Variants in PPP3CA observed in about 807,000 individuals in gnomAD.
PPP3CA encodes the protein CAM-PRP catalytic subunit.
PPP3CA carries 14 observed loss-of-function variants against 66.5 expected under a neutral mutation model. The ratio of observed to expected loss-of-function variants is 0.21; its 90% CI spans 0.14 to 0.33. The LOEUF (loss-of-function observed/expected upper bound fraction) is 0.33, where lower values mean the gene tolerates loss of function less well. PPP3CA is among the 10% of genes least tolerant of loss of function. PPP3CA has a pLI of 1.00. For synonymous variants in PPP3CA, 232 were observed against 226.2 expected, an observed-to-expected ratio of 1.03 and a Z score of -0.23; for missense variants, 317 against 639.5, an observed-to-expected ratio of 0.50 and a Z score of 5.44.
intron 1 of PPP3CA, among the ~76,000 whole-genome samples, chr4:101,285,599 ATGTGTGTGTGTGTGTGTGTGTGTG>A (rs56681112): frequency 6.6e-4 from 82 of 124,592 alleles, no homozygotes; most frequent in African/African-American, 2.2e-3. Flanking sequence ...CACTGTGTGT[ATGTGTGTGTGTGTGTGTGTGTGTG>A]TGTGTGTGTG....
chr4:101,166,806 A>T (rs905365168), intron 2 of PPP3CA, among the ~76,000 whole-genome samples: 4 of 152,240 alleles, frequency 2.6e-5, no homozygotes, highest in Admixed American at 6.5e-5. Context: ...CTTACATTGT[A>T]TATTTCCTTA....
intron 2 of PPP3CA, among the ~76,000 whole-genome samples, chr4:101,111,109 G>A (rs1042043193): frequency 1.3e-5 from 2 of 151,996 alleles, no homozygotes; most frequent in African/African-American, 4.8e-5. Flanking sequence ...AATTATAGTT[G>A]GTATGGATTA....
chr4:101,300,120 C>T (rs1479780963), intron 1 of PPP3CA, among the ~76,000 whole-genome samples: 1 of 152,158 alleles, frequency 6.6e-6, no homozygotes, highest in Non-Finnish European at 1.5e-5. Context: ...TTCAGAGAGA[C>T]AAATAATTTG....
At chr4:101,302,344 G>A (rs1434938958) in intron 1 of PPP3CA, among the ~76,000 whole-genome samples, 6 of 152,156 alleles carry the variant, frequency 3.9e-5, no homozygotes, top group African/African-American at 1.4e-4. Flanking sequence ...TTAACATTAT[G>A]AAAAGACCAA....
chr4:101,085,853 CACACAGAG>C (rs763544594), intron 6 of PPP3CA, among the ~76,000 whole-genome samples: 6 of 138,134 alleles, frequency 4.3e-5, no homozygotes, highest in African/African-American at 1.7e-4. Flanking sequence ...CACACACACA[CACACAGAG>C]AGAGAGAGAG....
intron 13 of PPP3CA, among the ~76,000 whole-genome samples, chr4:101,026,785 A>T (rs1246518934): frequency 6.6e-6 from 1 of 152,212 alleles, no homozygotes; most frequent in African/African-American, 2.4e-5. Context: ...TCTGCCCTTC[A>T]GCAGTGAACA....
chr4:101,154,042 T>C (rs774609144), intron 2 of PPP3CA, among the ~76,000 whole-genome samples: 13 of 152,082 alleles, frequency 8.5e-5, no homozygotes, highest in Non-Finnish European at 8.8e-5. Flanking sequence ...TCAAAAGGAG[T>C]AAATATGCTA....
intron 1 of PPP3CA, among the ~76,000 whole-genome samples, chr4:101,252,038 C>T (rs1286497310): frequency 6.6e-6 from 1 of 152,138 alleles, no homozygotes; most frequent in South Asian, 2.1e-4. Flanking sequence ...ACCCACAATT[C>T]CCACGTGCCA....
chr4:101,252,003 G>T (rs760389803), intron 1 of PPP3CA, among the ~76,000 whole-genome samples: 1 of 152,092 alleles, frequency 6.6e-6, no homozygotes, highest in African/African-American at 2.4e-5. Flanking sequence ...TTTCAGAAAG[G>T]TCACACCTTG....
In PPP3CA at chr4:101,080,519, T is replaced by G. The variant is rs950576194; in HGVS notation, c.955+13A>C. 1 of 1,376,670 alleles carries G rather than the reference T, an allele frequency of 7.3e-7. No individual in the cohort carries two copies. The highest frequency in any genetic ancestry group is 9.8e-7 in the Non-Finnish European group (1 of 1,015,472). The allele number at this position is 1,376,670 out of a possible 1,614,324, so 85.3% of individuals were successfully genotyped here. A position where few individuals can be genotyped will look rare whatever the true frequency, so the allele number is the denominator to read the frequency against. On this transcript the variant is annotated intron_variant, in intron 8 of 13. Transcript: ENST00000394854. ...ATTATGTAAGACTGCAAGAGGTATTTAAAAACACTTACCTTTGTTATTGTA... is the reference window on the plus strand; with the variant it reads ...ATTATGTAAGACTGCAAGAGGTATTGAAAAACACTTACCTTTGTTATTGTA...
chr4:101,067,552 C>A (rs1469310977), intron 8 of PPP3CA, among the ~76,000 whole-genome samples: 5 of 147,750 alleles, frequency 3.4e-5, no homozygotes, highest in South Asian at 4.3e-4. Flanking sequence ...AAAAAAAAAA[C>A]AACTAGTATT....
At chr4:101,218,026 C>T (rs1159499745) in intron 1 of PPP3CA, among the ~76,000 whole-genome samples, 1 of 152,070 alleles carries the variant, frequency 6.6e-6, no homozygotes, top group Non-Finnish European at 1.5e-5. Context: ...ATGAAATAGT[C>T]TTATTACTCA....
At chr4:101,157,476 G>A (rs968488773) in intron 2 of PPP3CA, among the ~76,000 whole-genome samples, 7 of 152,280 alleles carry the variant, frequency 4.6e-5, no homozygotes, top group Non-Finnish European at 7.3e-5. Context: ...AGGGGACGAG[G>A]AAAAGAAGAA....
At chr4:101,052,756 A>G (rs1728065696) in intron 10 of PPP3CA, among the ~76,000 whole-genome samples, 1 of 152,138 alleles carries the variant, frequency 6.6e-6, no homozygotes, top group African/African-American at 2.4e-5. Flanking sequence ...ACGGATGTCC[A>G]CCCTTGCATA....
intron 9 of PPP3CA, 57 bp from the exon 10 acceptor site, chr4:101,061,218 T>C (rs1728448814): frequency 6.9e-7 from 1 of 1,442,726 alleles, no homozygotes; most frequent in Non-Finnish European, 9.7e-7. Flanking sequence ...ACCTTAACTA[T>C]TACTCTGGCA....
chr4:101,303,534 G>C (rs956194218), intron 1 of PPP3CA, among the ~76,000 whole-genome samples: 5 of 152,016 alleles, frequency 3.3e-5, no homozygotes, highest in Non-Finnish European at 5.9e-5. Flanking sequence ...ATAGCTGCAT[G>C]ACATCCCATA....
chr4:101,191,734 T>G (rs1724608227), intron 2 of PPP3CA, among the ~76,000 whole-genome samples: 1 of 152,170 alleles, frequency 6.6e-6, no homozygotes, highest in Non-Finnish European at 1.5e-5. Flanking sequence ...AGGGGAATTC[T>G]CCTAATTGAC....
intron 1 of PPP3CA, among the ~76,000 whole-genome samples, chr4:101,308,913 C>T (rs533799896): frequency 6.6e-6 from 1 of 152,238 alleles, no homozygotes; most frequent in East Asian, 1.9e-4. Flanking sequence ...CAAAGACCTC[C>T]TGGTCGGGCA....
chr4:101,044,785 T>C (rs1317779889), intron 10 of PPP3CA, among the ~76,000 whole-genome samples: 1 of 152,160 alleles, frequency 6.6e-6, no homozygotes, highest in Non-Finnish European at 1.5e-5. Context: ...TCTTTAAAGA[T>C]TTGCTTTTAA....
Sources: gnomAD v4.1 joint callset for allele counts (sites outside exome capture counted in the v4.1 genomes callset) on GRCh38, gnomAD v4.1.1 for gene constraint, MANE v1.5 for transcripts, NCBI Gene and HGNC (gene_info 2026-07-23, HGNC 2026-07-21) for gene names.